KCNIP1: variants seen among roughly 807,000 people sequenced by gnomAD.
The protein encoded by KCNIP1 is A-type potassium channel modulatory protein KCNIP1.
KCNIP1 carries 18 observed loss-of-function variants against 33.0 expected under a neutral mutation model. That is an observed-to-expected ratio of 0.55 (90% CI 0.38 to 0.81). The LOEUF (loss-of-function observed/expected upper bound fraction) is 0.81. Among genes scored for constraint, KCNIP1 ranks in the 30% least tolerant of loss-of-function variants. The pLI is 0.00. For synonymous variants in KCNIP1, 93 were observed against 98.3 expected (o/e 0.95, Z 0.32); for missense variants, 238 against 271.6 (o/e 0.88, Z 0.87).
chr5:170,368,352 C>T (rs1763752927), intron 1 of KCNIP1, among the ~76,000 whole-genome samples: 1 of 152,162 alleles, frequency 6.6e-6, no homozygotes, highest in Admixed American at 6.5e-5. Flanking sequence ...GCAACCTCTG[C>T]TTCCTGGGTT....
intron 1 of KCNIP1, among the ~76,000 whole-genome samples, chr5:170,430,088 G>A (rs553774348): frequency 6.6e-6 from 1 of 152,212 alleles, no homozygotes; most frequent in Non-Finnish European, 1.5e-5. Context: ...CCCTCCTCTA[G>A]AGGATAGTCA....
chr5:170,417,576 G>A (rs1755362986), intron 1 of KCNIP1, among the ~76,000 whole-genome samples: 1 of 152,136 alleles, frequency 6.6e-6, no homozygotes, highest in South Asian at 2.1e-4. Context: ...CCCCTCCCAA[G>A]GCATCTGACC....
At chr5:170,717,677 A>C (rs1763683342) in intron 1 of KCNIP1, among the ~76,000 whole-genome samples, 1 of 152,224 alleles carries the variant, frequency 6.6e-6, no homozygotes, top group Non-Finnish European at 1.5e-5. Context: ...CTGATGAGAG[A>C]AATGCACACA....
In KCNIP1 at chr5:170,368,950, G is replaced by A. The variant is rs116821221; in HGVS notation, c.88+14986G>A. 7.9e-3 allele frequency among the ~76,000 whole-genome samples: 1,210 copies of A among 152,264 alleles called. 7 individuals carry two copies. The highest frequency in any genetic ancestry group is 0.027 in the African/African-American group (1,115 of 41,552). On this transcript the variant is annotated intron_variant, in intron 1 of 7. Coordinates refer to the KCNIP1 transcript ENST00000377360. ...TCAAATGGTTCAGAAACACAAATTCGCATGTGCACAGAGAGAGACAGAGAC... is the reference window on the plus strand; with the variant it reads ...TCAAATGGTTCAGAAACACAAATTCACATGTGCACAGAGAGAGACAGAGAC...
chr5:170,677,541 T>C (rs973113629), intron 1 of KCNIP1, among the ~76,000 whole-genome samples: 3 of 152,158 alleles, frequency 2.0e-5, no homozygotes, highest in Non-Finnish European at 4.4e-5. Flanking sequence ...AGAGCTAAAA[T>C]TGTTTGGCAA....
intron 1 of KCNIP1, among the ~76,000 whole-genome samples, chr5:170,545,992 C>G (rs1270906850): frequency 1.3e-5 from 2 of 152,236 alleles, no homozygotes; most frequent in Admixed American, 6.5e-5. Context: ...AGCAGCTTCC[C>G]CCTTTCCTCT....
At chr5:170,534,879 C>A (rs1188866494) in intron 1 of KCNIP1, among the ~76,000 whole-genome samples, 1 of 151,612 alleles carries the variant, frequency 6.6e-6, no homozygotes, top group Non-Finnish European at 1.5e-5. Context: ...ACTGCCTGGC[C>A]TAGAGTTGAG....
At chr5:170,375,221 A>G (rs1220645458) in intron 1 of KCNIP1, 7 of 152,286 alleles carry the variant, frequency 4.6e-5, no homozygotes, top group Admixed American at 3.9e-4. Context: ...AATATTTAAT[A>G]TTTTGCAAAA....
chr5:170,502,268 C>T (rs1271087216), upstream of KCNIP1, among the ~76,000 whole-genome samples: 1 of 152,184 alleles, frequency 6.6e-6, no homozygotes, highest in South Asian at 2.1e-4. Context: ...GTAAGTGCCC[C>T]TCCCCTGTTG....
rs1263791274 is a variant in KCNIP1, at chr5:170,721,815, T to C, written c.257-18T>C. 6.2e-7 allele frequency: 1 copy of C among 1,614,178 alleles called. No individual in the cohort carries two copies. The highest frequency in any genetic ancestry group is 1.7e-5 in the Admixed American group (1 of 60,024). ...GAATTCCTGCCCCCATCACCTGCCC[T>C]CCTTTTCTGCCTTGTAGATGCCAGC... On this transcript the variant is annotated intron_variant, in intron 3 of 7. Transcript: ENST00000328939.
intron 1 of KCNIP1, among the ~76,000 whole-genome samples, chr5:170,413,798 C>T (rs1260855719): frequency 6.6e-6 from 1 of 152,038 alleles, no homozygotes; most frequent in African/African-American, 2.4e-5. Context: ...TGAGAAGGAG[C>T]CATTGACCCA....
At chr5:170,594,665 C>T (rs1987781) in intron 1 of KCNIP1, among the ~76,000 whole-genome samples, 1 of 152,132 alleles carries the variant, frequency 6.6e-6, no homozygotes, top group Non-Finnish European at 1.5e-5. Context: ...TGCCCACCAC[C>T]ACACCCAACT....
intron 1 of KCNIP1, among the ~76,000 whole-genome samples, chr5:170,490,909 A>C (rs1464229212): frequency 6.6e-6 from 1 of 152,110 alleles, no homozygotes; most frequent in Non-Finnish European, 1.5e-5. Flanking sequence ...CCCAAATCCT[A>C]AACACAAGTA....
chr5:170,714,444 T>C (rs566421167), intron 1 of KCNIP1, among the ~76,000 whole-genome samples: 83 of 152,216 alleles, frequency 5.5e-4, no homozygotes, highest in Non-Finnish European at 9.6e-4. Flanking sequence ...AGATCTCCTA[T>C]GCTAGAATAG....
chr5:170,528,227 G>A (rs567311446), intron 1 of KCNIP1, among the ~76,000 whole-genome samples: 26 of 152,056 alleles, frequency 1.7e-4, no homozygotes, highest in Admixed American at 5.2e-4. Context: ...CTTCCCTCTC[G>A]CCTCTCCCAT....
chr5:170,548,886 G>A (rs1003728198), intron 1 of KCNIP1, among the ~76,000 whole-genome samples: 1 of 152,204 alleles, frequency 6.6e-6, no homozygotes, highest in Non-Finnish European at 1.5e-5. Context: ...TGCTTTCGGA[G>A]TCACTGAATT....
chr5:170,597,120 A>G (rs980773378), intron 1 of KCNIP1, among the ~76,000 whole-genome samples: 9 of 152,204 alleles, frequency 5.9e-5, no homozygotes, highest in African/African-American at 2.2e-4. Flanking sequence ...GCTCTGAACC[A>G]CTGGTCTATC....
intron 2 of KCNIP1, 44 bp downstream of exon 2, chr5:170,718,926 G>T: frequency 6.3e-7 from 1 of 1,590,586 alleles, no homozygotes; most frequent in Non-Finnish European, 8.5e-7. Context: ...GGGTTCCCAC[G>T]TGAGGCTACA....
intron 1 of KCNIP1, among the ~76,000 whole-genome samples, chr5:170,367,388 A>G (rs1238179735): frequency 7.8e-6 from 1 of 127,758 alleles, no homozygotes; most frequent in African/African-American, 3.3e-5. Context: ...AAAGAAAGAA[A>G]GAAAGAAAGA....
Sources: allele counts gnomAD v4.1 joint callset (sites outside exome capture counted in the v4.1 genomes callset), GRCh38; gene constraint gnomAD v4.1.1; transcripts MANE v1.5; gene names NCBI Gene and HGNC (gene_info 2026-07-23, HGNC 2026-07-21).